NRCAM: variants seen among roughly 807,000 people sequenced by gnomAD.
NRCAM encodes the protein NgCAM-related cell adhesion molecule.
Under a neutral mutation model 156.5 loss-of-function variants are expected in NRCAM, and 83 were observed. The observed-to-expected ratio is 0.53, with a 90% CI of 0.44 to 0.64. NRCAM has a LOEUF of 0.64. Among genes scored for constraint, NRCAM ranks in the 30% least tolerant of loss-of-function variants. The pLI is 0.00. For missense variants in NRCAM, 1,417 were observed against 1,597.3 expected, an observed-to-expected ratio of 0.89 and a Z score of 1.92; for synonymous variants, 538 against 563.9, an observed-to-expected ratio of 0.95 and a Z score of 0.65.
At position 108,149,785 on chromosome 7, in the gene NRCAM, C is replaced by A. The variant is rs2040210379; in HGVS notation, c.*125G>T. ...GTTATGTTTTTGCTGTAACTATTCT[C>A]ATAATACTAACATACAGCAGAAAAT... On this transcript the variant is annotated 3_prime_UTR_variant, in exon 33 of 33. Coordinates refer to ENST00000379028, the MANE Select transcript of NRCAM (RefSeq NM_001037132.4). 1 of 770,288 alleles carries A rather than the reference C, an allele frequency of 1.3e-6. No individual in the cohort carries two copies. Among genetic ancestry groups the A allele is most frequent in the Non-Finnish European group, 2.1e-6 (1 of 465,288 alleles). The allele number at this position is 770,288 out of a possible 1,614,324, so 47.7% of individuals were successfully genotyped here.
intron 2 of NRCAM, among the ~76,000 whole-genome samples, chr7:108,396,832 G>A (rs908471427): frequency 1.3e-5 from 2 of 152,134 alleles, no homozygotes; most frequent in African/African-American, 2.4e-5. Flanking sequence ...AAACACAGGT[G>A]GTTTGATTCT....
rs1447692981 is a variant in NRCAM, at chr7:108,399,463, C to T, written c.-201G>A. On this transcript the variant is annotated 5_prime_UTR_variant, in exon 2 of 33. Transcript: ENST00000379028. ...TCAGAAGGTCCACTGGGCTAGACACCTCCCAAATGTTTTTCTGATTTCTGA... is the reference window on the plus strand; with the variant it reads ...TCAGAAGGTCCACTGGGCTAGACACTTCCCAAATGTTTTTCTGATTTCTGA... 6.6e-6 allele frequency: 1 copy of T among 152,148 alleles called. No homozygotes were observed. The highest frequency in any genetic ancestry group is 2.4e-5 in the African/African-American group (1 of 41,430). The allele number at this position is 152,148 out of a possible 1,614,324, so 9.4% of individuals were successfully genotyped here. A position where few individuals can be genotyped will look rare whatever the true frequency, so the allele number is the denominator to read the frequency against.
chr7:108,239,915 G>A, intron 4 of NRCAM, 44 bp downstream of exon 4: 2 of 1,199,228 alleles, frequency 1.7e-6, no homozygotes, highest in Non-Finnish European at 2.5e-6. Flanking sequence ...ATGCTGGGAG[G>A]CTTTGACTCC....
chr7:108,450,591 AT>A (rs1430135552), intron 1 of NRCAM, among the ~76,000 whole-genome samples: 1 of 150,484 alleles, frequency 6.6e-6, no homozygotes, highest in African/African-American at 2.4e-5. Flanking sequence ...CTAGATTAAA[AT>A]AATAATGCCA....
chr7:108,453,203 A>G (rs9649307), intron 1 of NRCAM, among the ~76,000 whole-genome samples: 39,127 of 152,136 alleles, frequency 0.26, 5,369 homozygotes, highest in Non-Finnish European at 0.29. Flanking sequence ...AGCTTCCTGT[A>G]GAGTTCCATT....
intron 1 of NRCAM, among the ~76,000 whole-genome samples, chr7:108,410,732 G>T (rs918562257): frequency 2.0e-5 from 3 of 152,194 alleles, no homozygotes; most frequent in Admixed American, 6.5e-5. Context: ...AGTGTGGAAG[G>T]GCAGCCTGTA....
At chr7:108,250,591 G>A (rs927880273) in intron 3 of NRCAM, among the ~76,000 whole-genome samples, 2 of 151,806 alleles carry the variant, frequency 1.3e-5, no homozygotes, top group African/African-American at 4.8e-5. Flanking sequence ...ATGGTCACCC[G>A]AGACTCGGAA....
chr7:108,383,967 A>G (rs1395878555), intron 2 of NRCAM, among the ~76,000 whole-genome samples: 1 of 152,134 alleles, frequency 6.6e-6, no homozygotes, highest in African/African-American at 2.4e-5. Context: ...TGATGAGAAC[A>G]TGAGGTATTT....
intron 1 of NRCAM, among the ~76,000 whole-genome samples, chr7:108,434,051 G>T (rs1829126598): frequency 6.6e-6 from 1 of 152,150 alleles, no homozygotes; most frequent in East Asian, 1.9e-4. Context: ...AAAATCATTT[G>T]ATTGCTCTAG....
rs144667238 is a variant in NRCAM at position 108,223,831 on chromosome 7, A to G, written c.784T>C (p.Ser262Pro). ...LSDTEFYGAK[S>P]SRERPPTFLT... The stretch of plus-strand genomic sequence containing the variant: ...AATGTTGGTGGCCTCTCTCTACTTG[A>G]TTTAGCTGCAAACAAGAAAATCAGT... Residue 262 changes from serine to proline, a missense_variant, in exon 11 of 33, where the codon TCA becomes CCA. Ser to Pro is a moderately conservative substitution (Grantham distance 74). This residue lies in a region of NRCAM where 1,238 missense variants were observed against 1,336.4 expected (regional missense o/e 0.93). Coordinates refer to ENST00000379028, the MANE Select transcript of NRCAM (RefSeq NM_001037132.4). 6.6e-7 allele frequency: 1 copy of G among 1,520,344 alleles called. No homozygotes were observed. Among genetic ancestry groups the G allele is most frequent in the Non-Finnish European group, 9.1e-7 (1 of 1,095,358 alleles). The allele number at this position is 1,520,344 out of a possible 1,614,324, so 94.2% of individuals were successfully genotyped here. A position where few individuals can be genotyped will look rare whatever the true frequency, so the allele number is the denominator to read the frequency against.
intron 1 of NRCAM, among the ~76,000 whole-genome samples, chr7:108,450,096 T>A (rs1848602567): frequency 6.6e-6 from 1 of 152,154 alleles, no homozygotes; most frequent in African/African-American, 2.4e-5. Flanking sequence ...CATTCTCATG[T>A]GAATTAAACC....
At chr7:108,252,723 T>C (rs1056577766) in intron 3 of NRCAM, among the ~76,000 whole-genome samples, 5 of 152,186 alleles carry the variant, frequency 3.3e-5, no homozygotes, top group Admixed American at 6.5e-5. Flanking sequence ...ATTTTATAAA[T>C]TGGACTAAGC....
intron 3 of NRCAM, among the ~76,000 whole-genome samples, chr7:108,296,841 G>A (rs757766572): frequency 6.6e-6 from 1 of 152,030 alleles, no homozygotes; most frequent in Non-Finnish European, 1.5e-5. Context: ...AACAAATAAC[G>A]AGAATCCTTC....
intron 2 of NRCAM, among the ~76,000 whole-genome samples, chr7:108,355,942 G>T (rs753510868): frequency 1.6e-4 from 19 of 122,406 alleles, no homozygotes; most frequent in Middle Eastern, 5.1e-3. Flanking sequence ...AGTACAGTAA[G>T]ATTTTTTTTT....
chr7:108,171,257 A>G (rs2284280), intron 28 of NRCAM, among the ~76,000 whole-genome samples: 4 of 152,008 alleles, frequency 2.6e-5, no homozygotes, highest in Admixed American at 2.6e-4. Context: ...AGTTACCTAC[A>G]TTTTAGCTGC....
At chr7:108,250,352 G>T (rs2096256573) in intron 3 of NRCAM, among the ~76,000 whole-genome samples, 1 of 150,686 alleles carries the variant, frequency 6.6e-6, no homozygotes, top group African/African-American at 2.4e-5. Context: ...CTTGAGCCTG[G>T]GAGGCAAAGG....
intron 1 of NRCAM, among the ~76,000 whole-genome samples, chr7:108,411,721 C>T (rs1795596245): frequency 1.3e-5 from 2 of 151,994 alleles, no homozygotes; most frequent in Admixed American, 6.6e-5. Context: ...TTAGTAGAGA[C>T]GGGGTTTCAC....
In NRCAM at chr7:108,198,020, G is replaced by T. The variant is rs381318; in HGVS notation, c.1287C>A (p.Val429=). Residue 429 remains valine (V), a synonymous_variant, in exon 14 of 33, where the codon GTC becomes GTA. Coordinates refer to ENST00000379028, the MANE Select transcript of NRCAM (RefSeq NM_001037132.4). ...ATTCATTAGAGGCATTGCACTGATA[G>T]ACTGCACTTGATCTTTCTTGAACAT... ...FSNVQERSSA[V]YQCNASNEYG... The T allele has an allele frequency of 0.71, 1,134,431 of 1,594,492 alleles. 408,353 individuals are homozygous for T. The highest frequency in any genetic ancestry group is 0.87 in the East Asian group (37,941 of 43,606).
intron 2 of NRCAM, among the ~76,000 whole-genome samples, chr7:108,326,263 T>A (rs2099067366): frequency 6.6e-6 from 1 of 152,222 alleles, no homozygotes; most frequent in Admixed American, 6.5e-5. Context: ...CTGGTTTGTG[T>A]AGTATATTGG....
Sources: gnomAD v4.1 joint callset for allele counts (sites outside exome capture counted in the v4.1 genomes callset) on GRCh38, gnomAD v4.1.1 for gene constraint, gnomAD v4.1.1 regional missense constraint, MANE v1.5 for transcripts, NCBI Gene and HGNC (gene_info 2026-07-23, HGNC 2026-07-21) for gene names.